Variants in ELP3 observed in about 807,000 individuals in gnomAD.
ELP3 encodes elongator complex protein 3.
ELP3 carries 56 observed loss-of-function variants against 74.9 expected under a neutral mutation model. That is an observed-to-expected ratio of 0.75 (90% confidence interval 0.60 to 0.93). ELP3 has a LOEUF of 0.93. Ranked by LOEUF, ELP3 falls within the 40% of genes least tolerant of loss-of-function variation. ELP3 has a pLI of 0.00. For synonymous variants in ELP3, 222 were observed against 239.8 expected, an observed-to-expected ratio of 0.93 and a Z score of 0.68; for missense variants, 573 against 686.5, an observed-to-expected ratio of 0.83 and a Z score of 1.85.
At chr8:28,125,759 C>CTTTTT (rs755484214) in intron 7 of ELP3, among the ~76,000 whole-genome samples, 161 of 92,082 alleles carry the variant, frequency 1.7e-3, no homozygotes, top group African/African-American at 4.1e-3. Flanking sequence ...AGTCATTTCT[C>CTTTTT]TTTTTTTTTT....
Position 28,132,411 on chromosome 8 carries a change from G to C in ELP3, c.906+7G>C, listed in dbSNP as rs752418673. 6.2e-7 allele frequency: 1 copy of C among 1,613,892 alleles called. No individual in the cohort carries two copies. Among genetic ancestry groups the C allele is most frequent in the African/African-American group, 1.3e-5 (1 of 74,924 alleles). On this transcript the variant is annotated splice_region_variant and intron_variant, in intron 9 of 14. Coordinates refer to ENST00000256398, the MANE Select transcript of ELP3 (RefSeq NM_018091.6). ...AGACATTGAACAGTTCACAGTAAGT[G>C]TGACTTCAGCCAGGCGCATTCAGAA...
chr8:28,117,032 T>C (rs1812167228), intron 7 of ELP3, among the ~76,000 whole-genome samples: 1 of 152,190 alleles, frequency 6.6e-6, no homozygotes, highest in African/African-American at 2.4e-5. Flanking sequence ...AGTTTTTCTC[T>C]GCAAGCTTAT....
intron 6 of ELP3, among the ~76,000 whole-genome samples, chr8:28,111,149 G>T (rs1234646596): frequency 6.6e-6 from 1 of 152,164 alleles, no homozygotes; most frequent in African/African-American, 2.4e-5. Context: ...CAAAGAACTA[G>T]TCGGGGTATG....
intron 7 of ELP3, among the ~76,000 whole-genome samples, chr8:28,127,663 G>A (rs557507059): frequency 6.6e-6 from 1 of 152,230 alleles, no homozygotes; most frequent in African/African-American, 2.4e-5. Context: ...TGTTTAAGAG[G>A]CACAGGACCT....
At chr8:28,140,626 C>G (rs569592499) in intron 10 of ELP3, among the ~76,000 whole-genome samples, 1 of 152,290 alleles carries the variant, frequency 6.6e-6, no homozygotes, top group South Asian at 2.1e-4. Flanking sequence ...ACAGGTGGTG[C>G]TCTGCCTTCT....
At chr8:28,154,863 A>G (rs189490556) in intron 10 of ELP3, among the ~76,000 whole-genome samples, 63 of 152,268 alleles carry the variant, frequency 4.1e-4, no homozygotes, top group Non-Finnish European at 6.9e-4. Context: ...GAAAGCTCCA[A>G]TGTGTCTTTG....
Position 28,149,514 on chromosome 8 carries a change from G to A in ELP3, c.1101-6428G>A, listed in dbSNP as rs114870467. Among the ~76,000 whole-genome samples the A allele has an allele frequency of 9.2e-3, 1,406 of 152,246 alleles. 24 individuals are homozygous for A. Among genetic ancestry groups the A allele is most frequent in the African/African-American group, 0.031 (1,301 of 41,526 alleles). Reference sequence around the variant, plus strand: ...TATCCTTTTAATGTTCGTGGGCTCCGTAGTGATGTCTCCTCTTTCACTTCT... The same window carrying A: ...TATCCTTTTAATGTTCGTGGGCTCCATAGTGATGTCTCCTCTTTCACTTCT... On this transcript the variant is annotated intron_variant, in intron 10 of 14. Transcript: ENST00000256398.
At chr8:28,184,960 C>T (rs1468465471) in intron 14 of ELP3, among the ~76,000 whole-genome samples, 1 of 39,334 alleles carries the variant, frequency 2.5e-5, no homozygotes, top group Non-Finnish European at 2.0e-4. Context: ...AAGAGCAAAA[C>T]TCCATCTCAA....
intron 14 of ELP3, among the ~76,000 whole-genome samples, chr8:28,162,532 A>G (rs188061403): frequency 6.6e-6 from 1 of 152,206 alleles, no homozygotes; most frequent in Non-Finnish European, 1.5e-5. Context: ...TGTTCTCAGT[A>G]ACTTCAATCC....
upstream of ELP3, among the ~76,000 whole-genome samples, chr8:28,090,596 G>T (rs115287553): frequency 1.9e-3 from 295 of 151,724 alleles, 1 homozygote; most frequent in African/African-American, 6.3e-3. Flanking sequence ...TGGGATAAAG[G>T]TCGTTTACCC....
At chr8:28,093,521 C>G (rs760417623) in intron 1 of ELP3, 72 of 495,244 alleles carry the variant, frequency 1.5e-4, no homozygotes, top group Non-Finnish European at 1.2e-4. Context: ...GAGTTAACGT[C>G]GATTTAACGG....
In ELP3 at chr8:28,099,890, T is replaced by C. The variant is rs1316298912; in HGVS notation, c.182T>C (p.Ile61Thr). 2.5e-6 allele frequency: 4 copies of C among 1,614,096 alleles called. No individual in the cohort carries two copies. Among genetic ancestry groups the C allele is most frequent in the African/African-American group, 1.3e-5 (1 of 74,922 alleles). ...LSAQPRLVDIIAAVPPQYRKV... is the reference protein window; with the variant it reads ...LSAQPRLVDITAAVPPQYRKV... ...GCCCAGCCCCGCCTGGTGGATATCA[T>C]TGCTGCCGTCCCTCCTCAGTATCGC... The change falls in exon 3 of 15, where the codon ATT becomes ACT. Residue 61 changes from isoleucine (I) to threonine (T), a missense_variant. Ile to Thr is a moderately conservative substitution (Grantham distance 89). Coordinates refer to ENST00000256398, the MANE Select transcript of ELP3 (RefSeq NM_018091.6).
intron 10 of ELP3, among the ~76,000 whole-genome samples, chr8:28,139,780 A>G (rs1813153564): frequency 6.6e-6 from 1 of 152,190 alleles, no homozygotes; most frequent in Non-Finnish European, 1.5e-5. Flanking sequence ...CCCTGTCTCT[A>G]CTAAAAATAC....
chr8:28,108,211 C>G (rs572909847), intron 5 of ELP3, among the ~76,000 whole-genome samples: 136 of 152,282 alleles, frequency 8.9e-4, no homozygotes, highest in African/African-American at 3.1e-3. Flanking sequence ...ATCCCAAATG[C>G]TGTTCTAAGT....
intron 10 of ELP3, among the ~76,000 whole-genome samples, chr8:28,143,314 T>G (rs556398604): frequency 5.9e-4 from 90 of 152,336 alleles, no homozygotes; most frequent in Non-Finnish European, 1.2e-3. Context: ...TGTAGAATAT[T>G]ACTAATTATC....
At chr8:28,100,693 T>C (rs1374342521) in intron 3 of ELP3, among the ~76,000 whole-genome samples, 1 of 152,186 alleles carries the variant, frequency 6.6e-6, no homozygotes, top group East Asian at 1.9e-4. Flanking sequence ...ATGAACAAAG[T>C]AGATTTTCAG....
chr8:28,164,878 G>A (rs1814246211), intron 14 of ELP3, among the ~76,000 whole-genome samples: 1 of 152,134 alleles, frequency 6.6e-6, no homozygotes, highest in South Asian at 2.1e-4. Context: ...TCTCTGATGT[G>A]AGTACAGTGA....
chr8:28,120,307 T>C (rs1437341230), intron 7 of ELP3, among the ~76,000 whole-genome samples: 1 of 152,238 alleles, frequency 6.6e-6, no homozygotes, highest in Non-Finnish European at 1.5e-5. Context: ...CTCGTGGTTT[T>C]AGTTTGCTTT....
At chr8:28,126,013 T>A (rs1374160724) in intron 7 of ELP3, among the ~76,000 whole-genome samples, 3 of 151,518 alleles carry the variant, frequency 2.0e-5, no homozygotes, top group South Asian at 2.1e-4. Context: ...AAATTTGTAA[T>A]TTTTTTTTAA....
Sources: gnomAD v4.1 joint callset for allele counts (sites outside exome capture counted in the v4.1 genomes callset) on GRCh38, gnomAD v4.1.1 for gene constraint, MANE v1.5 for transcripts, NCBI Gene and HGNC (gene_info 2026-07-23, HGNC 2026-07-21) for gene names.